The following OSBP2 variants were observed in gnomAD, a reference collection of about 807,000 sequenced individuals.
OSBP2 encodes the protein oxysterol-binding protein 2.
In OSBP2, 66 loss-of-function variants were observed where a neutral mutation model predicts 96.0. The observed-to-expected ratio is 0.69, with a 90% CI of 0.56 to 0.84. The LOEUF (loss-of-function observed/expected upper bound fraction) is 0.84, where lower values mean the gene tolerates loss of function less well. Among genes scored for constraint, OSBP2 ranks in the 40% least tolerant of loss-of-function variants. The pLI, the probability that OSBP2 is intolerant of heterozygous loss-of-function variation, is 0.00. For missense variants in OSBP2, 1,038 were observed against 1,222.7 expected (o/e 0.85, Z 2.25); for synonymous variants, 525 against 520.9 (o/e 1.01, Z -0.11).
At chr22:30,717,114 G>GTC (rs1387632625) in intron 1 of OSBP2, among the ~76,000 whole-genome samples, 1 of 146,842 alleles carries the variant, frequency 6.8e-6, no homozygotes, top group Admixed American at 6.8e-5. Flanking sequence ...GTGTGTGTGT[G>GTC]TGTGTGTGTG....
intron 2 of OSBP2, among the ~76,000 whole-genome samples, chr22:30,784,810 T>A (rs1358317773): frequency 1.3e-5 from 2 of 151,834 alleles, no homozygotes; most frequent in Non-Finnish European, 2.9e-5. Flanking sequence ...TCTTGCTCTG[T>A]CGCCCAGGCT....
rs565422937 is a variant in OSBP2 at position 30,854,010 on chromosome 22, C to T, written c.854-16419C>T. On this transcript the variant is annotated intron_variant, in intron 2 of 13. Coordinates refer to ENST00000332585, the MANE Select transcript of OSBP2 (RefSeq NM_030758.4). ...TCCTGACCTCATCATCCGCCCACCT[C>T]GGCCTCCTAAAGTGCAGGGATTACA... Among the ~76,000 whole-genome samples, 7 of 152,276 alleles carry T rather than the reference C, an allele frequency of 4.6e-5. No individual in the cohort carries two copies. In the South Asian group the frequency reaches 6.2e-4, roughly 14 times the overall value.
At chr22:30,702,143 C>G (rs2089173836) in intron 1 of OSBP2, among the ~76,000 whole-genome samples, 1 of 152,158 alleles carries the variant, frequency 6.6e-6, no homozygotes, top group Admixed American at 6.5e-5. Flanking sequence ...CAAGTCCTGC[C>G]TGTATATCTC....
rs1460777740 is a variant in OSBP2 at position 30,907,172 on chromosome 22, G to C, written c.*833G>C. On this transcript the variant is annotated 3_prime_UTR_variant, in exon 14 of 14. Coordinates refer to ENST00000332585, the MANE Select transcript of OSBP2 (RefSeq NM_030758.4). ...CAGGTGCTCCCCGCCCTGAGACCCA[G>C]GCCCCAAATCAGCAATAATGAACAA... 2.6e-5 allele frequency: 4 copies of C among 152,654 alleles called. No individual in the cohort carries two copies. In the East Asian group the frequency reaches 7.7e-4, roughly 29 times the overall value. 9.5% of individuals were successfully genotyped at this position (152,654 alleles called of 1,614,324 possible). A position where few individuals can be genotyped will look rare whatever the true frequency, so the allele number is the denominator to read the frequency against.
intron 2 of OSBP2, among the ~76,000 whole-genome samples, chr22:30,781,244 A>C (rs1569120857): frequency 6.6e-6 from 1 of 151,370 alleles, no homozygotes. Flanking sequence ...GGCCTCCCAA[A>C]GTGCTGGGAT....
chr22:30,734,310 C>T (rs1408440432), intron 1 of OSBP2, among the ~76,000 whole-genome samples: 1 of 152,106 alleles, frequency 6.6e-6, no homozygotes, highest in Non-Finnish European at 1.5e-5. Flanking sequence ...AACTGGGAGG[C>T]CTTAGATCAT....
At chr22:30,889,079 C>T (rs992207898) in intron 5 of OSBP2, 98 bp from the exon 6 acceptor site, 2 of 1,030,024 alleles carry the variant, frequency 1.9e-6, no homozygotes, top group African/African-American at 3.2e-5. Flanking sequence ...AGGACATTTA[C>T]TAGCAATGAA....
chr22:30,803,470 A>G (rs955525478), intron 2 of OSBP2, among the ~76,000 whole-genome samples: 1 of 152,130 alleles, frequency 6.6e-6, no homozygotes, highest in Non-Finnish European at 1.5e-5. Context: ...TACCAGGAAA[A>G]GCTGTTTGCC....
At chr22:30,700,612 A>G (rs961107056) in intron 1 of OSBP2, among the ~76,000 whole-genome samples, 2 of 152,116 alleles carry the variant, frequency 1.3e-5, no homozygotes, top group African/African-American at 4.8e-5. Context: ...CTGCTTGGTG[A>G]CATTATAAAT....
intron 2 of OSBP2, among the ~76,000 whole-genome samples, chr22:30,758,109 A>T (rs1020453563): frequency 6.6e-6 from 1 of 152,172 alleles, no homozygotes; most frequent in Non-Finnish European, 1.5e-5. Flanking sequence ...GCAGCTATGA[A>T]ACATGGACAG....
At chr22:30,725,521 AAAAAACAAAAAC>A (rs931936475) in intron 1 of OSBP2, among the ~76,000 whole-genome samples, 26 of 147,970 alleles carry the variant, frequency 1.8e-4, no homozygotes, top group Non-Finnish European at 3.9e-4. Flanking sequence ...CCCCTCCACC[AAAAAACAAAAAC>A]AAAAACAAAA....
chr22:30,889,118 C>T, intron 5 of OSBP2, 59 bp from the exon 6 acceptor site: 1 of 1,474,644 alleles, frequency 6.8e-7, no homozygotes, highest in Non-Finnish European at 9.4e-7. Context: ...GAGGATGGGC[C>T]AGGTCCCAAG....
chr22:30,715,802 C>T (rs1486589082), intron 1 of OSBP2, among the ~76,000 whole-genome samples: 1 of 151,292 alleles, frequency 6.6e-6, no homozygotes, highest in African/African-American at 2.4e-5. Context: ...GGCGACCTTC[C>T]CACCTTGGCC....
chr22:30,859,156 A>G (rs2147081833), intron 2 of OSBP2, among the ~76,000 whole-genome samples: 1 of 152,142 alleles, frequency 6.6e-6, no homozygotes, highest in East Asian at 1.9e-4. Context: ...TAGTATGATT[A>G]CCGGGGCATC....
rs992897499 is a variant in OSBP2 at position 30,809,617 on chromosome 22, A to G, written c.854-60812A>G. Among the ~76,000 whole-genome samples the G allele has an allele frequency of 5.9e-5, 9 of 152,326 alleles. No homozygotes were observed. The East Asian group carries it at 1.5e-3, about 26-fold the overall frequency. Reference sequence around the variant, plus strand: ...CTGAGCCCTACAAGGCTTAGCTCCTAGTAGGCTGTGGTTTGCAAAGGACTT... The same window carrying G: ...CTGAGCCCTACAAGGCTTAGCTCCTGGTAGGCTGTGGTTTGCAAAGGACTT... On this transcript the variant is annotated intron_variant, in intron 2 of 13. Coordinates refer to ENST00000332585, the MANE Select transcript of OSBP2 (RefSeq NM_030758.4).
intron 2 of OSBP2, among the ~76,000 whole-genome samples, chr22:30,749,674 C>T (rs2090049145): frequency 6.6e-6 from 1 of 152,092 alleles, no homozygotes; most frequent in South Asian, 2.1e-4. Flanking sequence ...GTGGCGCAAT[C>T]TTGGCTTACT....
chr22:30,820,323 A>G (rs1388035283), intron 2 of OSBP2, among the ~76,000 whole-genome samples: 1 of 152,080 alleles, frequency 6.6e-6, no homozygotes, highest in Non-Finnish European at 1.5e-5. Flanking sequence ...CAGGCATTTG[A>G]GTCTGCAGTG....
chr22:30,764,127 G>A, intron 2 of OSBP2: 1 of 475,362 alleles, frequency 2.1e-6, no homozygotes, highest in Non-Finnish European at 2.7e-6. Context: ...GGCTAGCCTA[G>A]CGCCTCAGGG....
intron 1 of OSBP2, among the ~76,000 whole-genome samples, chr22:30,718,976 T>G (rs1027842305): frequency 1.3e-5 from 2 of 152,240 alleles, no homozygotes; most frequent in African/African-American, 4.8e-5. Context: ...ATTATTTTGC[T>G]AGATACAGGC....
Sources: allele counts gnomAD v4.1 joint callset (sites outside exome capture counted in the v4.1 genomes callset), GRCh38; gene constraint gnomAD v4.1.1; transcripts MANE v1.5; gene names NCBI Gene and HGNC (gene_info 2026-07-23, HGNC 2026-07-21).